RBMS3: variants seen among roughly 807,000 people sequenced by gnomAD.
RBMS3 encodes RNA-binding motif, single-stranded-interacting protein 3.
Under a neutral mutation model 66.8 loss-of-function variants are expected in RBMS3, and 27 were observed. The observed-to-expected ratio is 0.40, with a 90% confidence interval of 0.30 to 0.56. The LOEUF (loss-of-function observed/expected upper bound fraction) is 0.56. RBMS3 is among the 20% of genes least tolerant of loss of function. The pLI is 0.40. For synonymous variants in RBMS3, 188 were observed against 183.0 expected (o/e 1.03, Z -0.22); for missense variants, 513 against 549.5 (o/e 0.93, Z 0.66).
intron 10 of RBMS3, among the ~76,000 whole-genome samples, chr3:29,930,634 A>T (rs189631497): frequency 6.6e-6 from 1 of 152,230 alleles, no homozygotes; most frequent in Admixed American, 6.5e-5. Flanking sequence ...ACACCTCGGC[A>T]GTTATGATAA....
intron 3 of RBMS3, among the ~76,000 whole-genome samples, chr3:29,505,154 C>T (rs141676634): frequency 9.2e-5 from 14 of 152,010 alleles, no homozygotes; most frequent in Non-Finnish European, 1.5e-4. Flanking sequence ...CAGAGCTTTT[C>T]GGCTGTGTTT....
At chr3:29,770,095 T>C (rs2056131324) in intron 6 of RBMS3, among the ~76,000 whole-genome samples, 1 of 151,898 alleles carries the variant, frequency 6.6e-6, no homozygotes, top group African/African-American at 2.4e-5. Flanking sequence ...CAATGATGAA[T>C]TCTGTTTTCT....
At chr3:29,957,385 C>T (rs892693232) in intron 12 of RBMS3, among the ~76,000 whole-genome samples, 2 of 152,110 alleles carry the variant, frequency 1.3e-5, no homozygotes, top group Non-Finnish European at 2.9e-5. Context: ...GTTAGACACA[C>T]ATTCTACATA....
At chr3:29,465,361 C>A (rs1171776348) in intron 2 of RBMS3, among the ~76,000 whole-genome samples, 3 of 152,066 alleles carry the variant, frequency 2.0e-5, no homozygotes, top group South Asian at 2.1e-4. Flanking sequence ...TTCTAACTTA[C>A]AAGTGCATAT....
chr3:29,808,701 C>T (rs1373359506), intron 6 of RBMS3, among the ~76,000 whole-genome samples: 1 of 151,896 alleles, frequency 6.6e-6, no homozygotes, highest in Non-Finnish European at 1.5e-5. Context: ...TAAAACATTA[C>T]TATATGCTTC....
At chr3:29,391,798 T>C (rs1352298702) in intron 1 of RBMS3, among the ~76,000 whole-genome samples, 2 of 152,158 alleles carry the variant, frequency 1.3e-5, no homozygotes, top group Non-Finnish European at 2.9e-5. Flanking sequence ...TTTACAAAAA[T>C]AGTCACCCAT....
At chr3:29,635,525 G>T (rs548119523) in intron 4 of RBMS3, among the ~76,000 whole-genome samples, 9 of 151,956 alleles carry the variant, frequency 5.9e-5, no homozygotes, top group African/African-American at 2.2e-4. Context: ...GCCAGCATCA[G>T]CTTTCACCAG....
intron 4 of RBMS3, among the ~76,000 whole-genome samples, chr3:29,695,975 G>A (rs1349846260): frequency 6.6e-6 from 1 of 152,058 alleles, no homozygotes; most frequent in Non-Finnish European, 1.5e-5. Flanking sequence ...AGGCCAGGGG[G>A]GTCACTAAAC....
In RBMS3 at chr3:29,281,747, C is replaced by A; in HGVS notation, c.66C>A (p.Leu22=). 1.2e-6 allele frequency: 2 copies of A among 1,612,692 alleles called. No homozygotes were observed. The highest frequency in any genetic ancestry group is 2.2e-5 in the South Asian group (2 of 90,944). The stretch of plus-strand genomic sequence containing the variant: ...ACACTTACTACTATCCTCATTATCT[C>A]CAAACCAAGGTATGGCTTGACCCAC... ...PQYTYYYPHY[L]QTKQSYAPAP... The change falls in exon 1 of 15, where the codon CTC becomes CTA. Residue 22 remains leucine (L), a synonymous_variant. Transcript: ENST00000383767.
chr3:29,729,136 G>GCCCCCCCCCCCCACCC (rs1237019035), intron 4 of RBMS3, among the ~76,000 whole-genome samples: 1 of 92,892 alleles, frequency 1.1e-5, no homozygotes, highest in African/African-American at 3.8e-5. Flanking sequence ...CTCCCCTACC[G>GCCCCCCCCCCCCACCC]CCCCACCCCC....
chr3:29,881,585 A>G (rs945789252), intron 7 of RBMS3, among the ~76,000 whole-genome samples: 2 of 152,160 alleles, frequency 1.3e-5, no homozygotes, highest in Non-Finnish European at 2.9e-5. Context: ...TACTGATGTC[A>G]ATTCCTTTCC....
intron 1 of RBMS3, among the ~76,000 whole-genome samples, chr3:29,391,775 C>T (rs1346016117): frequency 6.6e-6 from 1 of 151,926 alleles, no homozygotes; most frequent in African/African-American, 2.4e-5. Context: ...CAAAATTGAA[C>T]AAGATATTTA....
chr3:29,364,667 C>A (rs911431181), intron 1 of RBMS3, among the ~76,000 whole-genome samples: 1 of 152,124 alleles, frequency 6.6e-6, no homozygotes, highest in Non-Finnish European at 1.5e-5. Flanking sequence ...GAGAGTCCTT[C>A]GGAGTAGCCC....
chr3:29,762,168 A>G (rs1364146136), intron 5 of RBMS3, among the ~76,000 whole-genome samples: 1 of 152,298 alleles, frequency 6.6e-6, no homozygotes, highest in Middle Eastern at 3.4e-3. Flanking sequence ...AGGAATATTG[A>G]TAAGATAGTA....
intron 12 of RBMS3, among the ~76,000 whole-genome samples, chr3:29,959,969 C>G (rs973606912): frequency 6.6e-6 from 1 of 152,054 alleles, no homozygotes; most frequent in African/African-American, 2.4e-5. Context: ...TATTTCACCC[C>G]GGCCCCTCCC....
At chr3:29,749,116 C>T (rs989236475) in intron 5 of RBMS3, among the ~76,000 whole-genome samples, 13 of 152,092 alleles carry the variant, frequency 8.5e-5, no homozygotes, top group African/African-American at 3.1e-4. Flanking sequence ...AAAAAGAGAA[C>T]ATGTATTCCA....
intron 6 of RBMS3, among the ~76,000 whole-genome samples, chr3:29,849,449 G>T (rs2058876263): frequency 6.7e-6 from 1 of 149,988 alleles, no homozygotes; most frequent in Non-Finnish European, 1.5e-5. Flanking sequence ...GGGAGGCGGA[G>T]GTTGCAGTGA....
chr3:29,697,685 G>C (rs1247504193), intron 4 of RBMS3, among the ~76,000 whole-genome samples: 2 of 152,142 alleles, frequency 1.3e-5, no homozygotes, highest in African/African-American at 4.8e-5. Flanking sequence ...CACAGAGTTT[G>C]TTTATGTTTC....
chr3:29,804,230 GA>G (rs2057473976), intron 6 of RBMS3, among the ~76,000 whole-genome samples: 1 of 151,980 alleles, frequency 6.6e-6, no homozygotes, highest in East Asian at 1.9e-4. Flanking sequence ...AAAACTAAAA[GA>G]AAAAAATGCT....
Sources: allele counts gnomAD v4.1 joint callset (sites outside exome capture counted in the v4.1 genomes callset), GRCh38; gene constraint gnomAD v4.1.1; transcripts MANE v1.5; gene names NCBI Gene and HGNC (gene_info 2026-07-23, HGNC 2026-07-21).